Variants in ODF2 observed in about 807,000 individuals in gnomAD.
ODF2 encodes the protein outer dense fiber protein 2.
ODF2 carries 47 observed loss-of-function variants against 110.2 expected under a neutral mutation model. That is an observed-to-expected ratio of 0.43 (90% CI 0.34 to 0.54). The LOEUF is 0.54. Ranked by LOEUF, ODF2 falls within the 20% of genes least tolerant of loss-of-function variation. The pLI, the probability that ODF2 is intolerant of heterozygous loss-of-function variation, is 0.03. For synonymous variants in ODF2, 352 were observed against 397.7 expected (o/e 0.89, Z 1.37); for missense variants, 812 against 1,054.5 (o/e 0.77, Z 3.19).
chr9:128,472,654 A>G lies in ODF2; in HGVS notation c.582-259A>G, dbSNP rs139099415. ...GGAGGGGGGCAGTGCAGAGATGACA[A>G]TGGTGGCTGTTTGAGAGAAACAGGG... is the stretch of plus-strand genomic sequence containing the variant. On this transcript the variant is annotated intron_variant, in intron 6 of 20. Transcript: ENST00000604420. Among the ~76,000 whole-genome samples the G allele has an allele frequency of 8.1e-3, 1,241 of 152,300 alleles. 24 individuals are homozygous for G. Among genetic ancestry groups the G allele is most frequent in the African/African-American group, 0.028 (1,150 of 41,570 alleles).
At chr9:128,457,608 A>G (rs972609440) in intron 2 of ODF2, among the ~76,000 whole-genome samples, 5 of 152,170 alleles carry the variant, frequency 3.3e-5, no homozygotes, top group African/African-American at 1.2e-4. Context: ...TGTATACACA[A>G]TCCTAGCTCT....
In ODF2 at chr9:128,476,025, C is replaced by T. The variant is rs1286177435; in HGVS notation, c.843+2284C>T. 2.6e-5 allele frequency among the ~76,000 whole-genome samples: 4 copies of T among 152,020 alleles called. No homozygotes were observed. In the East Asian group the frequency reaches 5.8e-4, roughly 22 times the overall value. On this transcript the variant is annotated intron_variant, in intron 8 of 20. Coordinates refer to ENST00000604420, the Ensembl canonical transcript of ODF2. Reference sequence around the variant, plus strand: ...TAGCTTATTTCACTGAGTATAATATCCTCTAGTTTTGTGCATGTTGTGAAA... The same window carrying T: ...TAGCTTATTTCACTGAGTATAATATTCTCTAGTTTTGTGCATGTTGTGAAA...
At chr9:128,469,083 C>T in intron 4 of ODF2, 100 bp from the exon 5 acceptor site, 1 of 1,176,980 alleles carries the variant, frequency 8.5e-7, no homozygotes, top group Non-Finnish European at 1.2e-6. Context: ...TTAGCTGTTA[C>T]AGCTTTTCCC....
chr9:128,476,620 A>T (rs932921936), intron 8 of ODF2, among the ~76,000 whole-genome samples: 11 of 148,682 alleles, frequency 7.4e-5, no homozygotes, highest in Admixed American at 5.4e-4. Flanking sequence ...TTGTTTTAAC[A>T]TTGTCAACCT....
exon 1 of ODF2, chr9:128,456,199 C>T: frequency 1.3e-6 from 2 of 1,548,308 alleles, no homozygotes; most frequent in Non-Finnish European, 8.7e-7. Flanking sequence ...CGACCCTGGC[C>T]TCCGACTTCA....
intron 5 of ODF2, among the ~76,000 whole-genome samples, chr9:128,469,730 C>T (rs1441193864): frequency 6.6e-6 from 1 of 151,766 alleles, no homozygotes; most frequent in Non-Finnish European, 1.5e-5. Context: ...CATGGTGGCT[C>T]ACGCCTGTAA....
chr9:128,457,119 G>T (rs12683827), intron 1 of ODF2: 10 of 1,400,860 alleles, frequency 7.1e-6, no homozygotes, highest in Non-Finnish European at 9.4e-6. Context: ...TTTCCCTCGC[G>T]GTTCTGCCCC....
chr9:128,487,224 G>C (rs1208818954), intron 13 of ODF2, among the ~76,000 whole-genome samples: 1 of 152,170 alleles, frequency 6.6e-6, no homozygotes, highest in Non-Finnish European at 1.5e-5. Context: ...TGGGATTACA[G>C]GTGTGAGCTG....
At chr9:128,479,203 T>C (rs1841953484) in intron 8 of ODF2, among the ~76,000 whole-genome samples, 1 of 152,186 alleles carries the variant, frequency 6.6e-6, no homozygotes, top group Non-Finnish European at 1.5e-5. Context: ...AGCCCTTTTC[T>C]CTGGGCTTAT....
chr9:128,457,941 A>ATT (rs1384895239), intron 2 of ODF2, among the ~76,000 whole-genome samples: 121 of 78,738 alleles, frequency 1.5e-3, no homozygotes, highest in East Asian at 6.7e-3. Context: ...ATATATATAT[A>ATT]TATTTTTTTT....
In ODF2 at chr9:128,469,986, A is replaced by AC. The variant is rs1196412498; in HGVS notation, c.420+633_420+634insC. On this transcript the variant is annotated intron_variant, in intron 5 of 20. Transcript: ENST00000604420. ...GCGACAGAGAGAGTCTCTGTCTCAA[A>AC]AAAAAAAAAAAAAAAAAAAAAAAAA... Among the ~76,000 whole-genome samples the AC allele has an allele frequency of 1.8e-3, 23 of 12,694 alleles. 1 individual carries two copies. The highest frequency in any genetic ancestry group is 6.7e-3 in the African/African-American group (23 of 3,420). 8.3% of individuals were successfully genotyped at this position (12,694 alleles called of 152,430 possible).
At chr9:128,498,978 T>C in intron 19 of ODF2, 23 bp from the exon 20 acceptor site, 2 of 1,613,860 alleles carry the variant, frequency 1.2e-6, no homozygotes, top group Middle Eastern at 1.7e-4. Context: ...ACCAGTCTCA[T>C]GTCTGGGCCT....
intron 6 of ODF2, among the ~76,000 whole-genome samples, chr9:128,472,268 C>T (rs1460479191): frequency 2.6e-5 from 4 of 152,284 alleles, no homozygotes; most frequent in East Asian, 1.9e-4. Flanking sequence ...AGTGCAGTGG[C>T]GTGATCCTGG....
chr9:128,481,485 A>AT (rs1172330549), intron 8 of ODF2, 95 bp from the exon 9 acceptor site: 23 of 1,024,778 alleles, frequency 2.2e-5, no homozygotes, highest in South Asian at 1.4e-4. Flanking sequence ...AAAAAAAAAA[A>AT]ATACAATTTT....
At chr9:128,474,482 G>A (rs1165061177) in intron 8 of ODF2, among the ~76,000 whole-genome samples, 1 of 151,386 alleles carries the variant, frequency 6.6e-6, no homozygotes, top group East Asian at 2.0e-4. Flanking sequence ...GACAGAGCGA[G>A]ATTCCATCTT....
chr9:128,500,344 C>T (rs1846331816), exon 21 of ODF2: 2 of 1,360,386 alleles, frequency 1.5e-6, no homozygotes, highest in Admixed American at 2.0e-5. Context: ...TGGTTTTCCT[C>T]TCCCAGTGAA....
At chr9:128,457,176 C>T (rs756071252) in intron 1 of ODF2, 1 of 1,495,818 alleles carries the variant, frequency 6.7e-7, no homozygotes, top group Admixed American at 2.0e-5. Flanking sequence ...TCAGCCTCTA[C>T]TATTTCCCCC....
At chr9:128,467,693 C>T (rs1031155323) in intron 4 of ODF2, among the ~76,000 whole-genome samples, 2 of 136,244 alleles carry the variant, frequency 1.5e-5, no homozygotes, top group Non-Finnish European at 3.0e-5. Flanking sequence ...TGCAGTGAGC[C>T]GAGATGGCAC....
chr9:128,471,562 G>C (rs1840002361), intron 6 of ODF2, 94 bp downstream of exon 6: 1 of 1,232,282 alleles, frequency 8.1e-7, no homozygotes, highest in Non-Finnish European at 1.1e-6. Flanking sequence ...GTAGGAGGTG[G>C]GCACAGGCAC....
Sources: gnomAD v4.1 joint callset for allele counts (sites outside exome capture counted in the v4.1 genomes callset) on GRCh38, gnomAD v4.1.1 for gene constraint, MANE v1.5 for transcripts, NCBI Gene and HGNC (gene_info 2026-07-23, HGNC 2026-07-21) for gene names.